The following CRTAP variants were observed in gnomAD, a reference collection of about 807,000 sequenced individuals.
CRTAP encodes the protein cartilage associated protein.
A neutral mutation model predicts 42.7 loss-of-function variants in CRTAP; 33 were observed. That is an observed-to-expected ratio of 0.77 (90% confidence interval 0.59 to 1.03). The LOEUF (loss-of-function observed/expected upper bound fraction) is 1.03. Ranked by LOEUF, CRTAP falls within the 50% of genes least tolerant of loss-of-function variation. The pLI, the probability that CRTAP is intolerant of heterozygous loss-of-function variation, is 0.00. For missense variants in CRTAP, 613 were observed against 533.9 expected, an observed-to-expected ratio of 1.15 and a Z score of -1.46; for synonymous variants, 243 against 217.7, an observed-to-expected ratio of 1.12 and a Z score of -1.02.
At chr3:33,129,258 G>A (rs2030166735) in intron 3 of CRTAP, among the ~76,000 whole-genome samples, 1 of 152,182 alleles carries the variant, frequency 6.6e-6, no homozygotes, top group African/African-American at 2.4e-5. Flanking sequence ...AACAGAATAT[G>A]AGAGTGTAAG....
chr3:33,137,185 G>A (rs1412769311), intron 6 of CRTAP, among the ~76,000 whole-genome samples: 1 of 152,062 alleles, frequency 6.6e-6, no homozygotes. Context: ...TTGTTGCCCA[G>A]GCTGGAGTGC....
At chr3:33,136,625 C>T (rs1029109975) in intron 6 of CRTAP, among the ~76,000 whole-genome samples, 1 of 152,098 alleles carries the variant, frequency 6.6e-6, no homozygotes, top group Non-Finnish European at 1.5e-5. Flanking sequence ...GGAAGTGTGG[C>T]AATGGCATCT....
rs1398795243 is a variant in CRTAP, at chr3:33,127,342, A to C, written c.794-2597A>C. ...AATCATACAAAGAACTCTCATGTAC[A>C]CCTTACCTAGATTCACCAATTTGTA... On this transcript the variant is annotated intron_variant, in intron 3 of 6. Coordinates refer to ENST00000320954, the MANE Select transcript of CRTAP (RefSeq NM_006371.5). 2.6e-5 allele frequency among the ~76,000 whole-genome samples: 4 copies of C among 152,020 alleles called. No homozygotes were observed. In the East Asian group the frequency reaches 7.7e-4, roughly 29 times the overall value.
chr3:33,147,095 T>C lies in CRTAP; in HGVS notation c.*4647T>C, dbSNP rs886058373. Reference sequence around the variant, plus strand: ...CAAACAGTGACTTCTTTTTTTCTGGTGACTCCAGGCCTGAATGACCTAGTG... The same window carrying C: ...CAAACAGTGACTTCTTTTTTTCTGGCGACTCCAGGCCTGAATGACCTAGTG... On this transcript the variant is annotated 3_prime_UTR_variant, in exon 7 of 7. Transcript: ENST00000320954. 1 of 152,686 alleles carries C rather than the reference T, an allele frequency of 6.5e-6. No individual in the cohort carries two copies. The highest frequency in any genetic ancestry group is 1.5e-5 in the Non-Finnish European group (1 of 68,058). 9.5% of individuals were successfully genotyped at this position (152,686 alleles called of 1,614,324 possible).
chr3:33,131,206 G>A (rs933761756), intron 4 of CRTAP, among the ~76,000 whole-genome samples: 2 of 151,668 alleles, frequency 1.3e-5, no homozygotes, highest in Admixed American at 6.6e-5. Flanking sequence ...GGAAGAGTGA[G>A]AGAGGTGATC....
chr3:33,132,767 T>G (rs2030306010), intron 5 of CRTAP, 67 bp downstream of exon 5: 2 of 1,584,918 alleles, frequency 1.3e-6, no homozygotes. Context: ...ACCTCGTGCC[T>G]TAAGAGAAAG....
At chr3:33,132,851 G>C (rs561324319) in intron 5 of CRTAP, 151 bp downstream of exon 5, 14 of 879,418 alleles carry the variant, frequency 1.6e-5, no homozygotes, top group Non-Finnish European at 2.3e-5. Flanking sequence ...AGGCCGAGGC[G>C]GGCGGATCAT....
chr3:33,128,074 T>A (rs1309022458), intron 3 of CRTAP, among the ~76,000 whole-genome samples: 1 of 152,204 alleles, frequency 6.6e-6, no homozygotes, highest in African/African-American at 2.4e-5. Flanking sequence ...ATTTCAGAAC[T>A]ATTTGGAAGT....
At chr3:33,121,865 C>T (rs114828074) in intron 2 of CRTAP, among the ~76,000 whole-genome samples, 1,558 of 152,118 alleles carry the variant, frequency 0.01, 27 homozygotes, top group African/African-American at 0.036. Context: ...GTGCTGGGAG[C>T]GGACCCAGGA....
intron 6 of CRTAP, among the ~76,000 whole-genome samples, chr3:33,138,099 C>G (rs759489548): frequency 5.4e-5 from 8 of 147,532 alleles, no homozygotes; most frequent in Non-Finnish European, 9.0e-5. Context: ...ATTAATATAG[C>G]TTTTTTTTTT....
Position 33,146,286 on chromosome 3 carries a change from T to C in CRTAP, c.*3838T>C, listed in dbSNP as rs1323116618. 1 of 152,292 alleles carries C rather than the reference T, an allele frequency of 6.6e-6. No individual in the cohort carries two copies. Among genetic ancestry groups the C allele is most frequent in the African/African-American group, 2.4e-5 (1 of 41,458 alleles). 9.4% of individuals were successfully genotyped at this position (152,292 alleles called of 1,614,324 possible). On this transcript the variant is annotated 3_prime_UTR_variant, in exon 7 of 7. Transcript: ENST00000320954. ...TTGCTTGTCCTTTGACCCATCAGCA[T>C]GGAGCTCAGTGGTTGCTGTTTGGTT...
intron 3 of CRTAP, among the ~76,000 whole-genome samples, chr3:33,129,657 C>A (rs527860905): frequency 6.6e-5 from 10 of 150,982 alleles, no homozygotes; most frequent in Non-Finnish European, 8.8e-5. Flanking sequence ...TCTGCCTCAG[C>A]CTCCTGAGTA....
chr3:33,134,301 C>T (rs4234239), intron 6 of CRTAP, 36 bp downstream of exon 6: 3 of 1,350,280 alleles, frequency 2.2e-6, no homozygotes, highest in Non-Finnish European at 3.2e-6. Context: ...CTGGTGGCTA[C>T]GAGAAAATAT....
At position 33,114,507 on chromosome 3, in the gene CRTAP, C is replaced by T. The variant is rs532846004; in HGVS notation, c.430C>T (p.Arg144Cys). ...CCGCGAGGTGCTGGCGGACTTCCAG[C>T]GCCGCGAGCCCTACAAGTTCCTGCA... ...PSREVLADFQ[R>C]REPYKFLQFA... The change falls in exon 1 of 7, where the codon CGC becomes TGC. Residue 144 changes from arginine (R) to cysteine (C), a missense_variant. Arg to Cys is a radical substitution (Grantham distance 180). Coordinates refer to ENST00000320954, the MANE Select transcript of CRTAP (RefSeq NM_006371.5). 11 of 1,603,780 alleles carry T rather than the reference C, an allele frequency of 6.9e-6. No homozygotes were observed. The African/African-American group carries it at 1.3e-4, about 19-fold the overall frequency.
chr3:33,137,197 A>G (rs894868948), intron 6 of CRTAP, among the ~76,000 whole-genome samples: 5 of 151,844 alleles, frequency 3.3e-5, no homozygotes, highest in African/African-American at 1.2e-4. Context: ...CTGGAGTGCA[A>G]TGGTGCGATC....
intron 2 of CRTAP, among the ~76,000 whole-genome samples, chr3:33,122,491 G>A (rs1165465906): frequency 2.6e-5 from 4 of 151,850 alleles, no homozygotes; most frequent in African/African-American, 4.8e-5. Flanking sequence ...GGTGGATCAC[G>A]AGGTCAGGAG....
intron 6 of CRTAP, among the ~76,000 whole-genome samples, chr3:33,134,640 T>G (rs1199877938): frequency 6.6e-6 from 1 of 152,222 alleles, no homozygotes; most frequent in African/African-American, 2.4e-5. Context: ...TATTATTATT[T>G]TTTCTAAATT....
Position 33,114,022 on chromosome 3 carries a change from T to C in CRTAP, c.-56T>C, listed in dbSNP as rs1483477968. On this transcript the variant is annotated 5_prime_UTR_variant, in exon 1 of 7. Coordinates refer to ENST00000320954, the MANE Select transcript of CRTAP (RefSeq NM_006371.5). ...GTCGCACCGTCCTCTTTCCTTTCCT[T>C]CTCCCTCCCCTTTTCCCTTCCTTCG... The C allele has an allele frequency of 1.5e-6, 2 of 1,307,474 alleles. No homozygotes were observed. Among genetic ancestry groups the C allele is most frequent in the Admixed American group, 3.1e-5 (1 of 32,684 alleles). 81.0% of individuals were successfully genotyped at this position (1,307,474 alleles called of 1,614,324 possible).
In CRTAP at chr3:33,147,399, T is replaced by C. The variant is rs1365800385; in HGVS notation, c.*4951T>C. On this transcript the variant is annotated 3_prime_UTR_variant, in exon 7 of 7. Transcript: ENST00000320954. ...TAGGGCCGGCTCGTGAACAGCCACATATCCTTGCACCTGACACTGTCCCCA... is the reference window on the plus strand; with the variant it reads ...TAGGGCCGGCTCGTGAACAGCCACACATCCTTGCACCTGACACTGTCCCCA... The C allele has an allele frequency of 1.3e-5, 2 of 152,726 alleles. No individual in the cohort carries two copies. Among genetic ancestry groups the C allele is most frequent in the Non-Finnish European group, 2.9e-5 (2 of 68,080 alleles). 9.5% of individuals were successfully genotyped at this position (152,726 alleles called of 1,614,324 possible).
Sources: gnomAD v4.1 joint callset for allele counts (sites outside exome capture counted in the v4.1 genomes callset) on GRCh38, gnomAD v4.1.1 for gene constraint, MANE v1.5 for transcripts, NCBI Gene and HGNC (gene_info 2026-07-23, HGNC 2026-07-21) for gene names.